EIF5B: variants seen among roughly 807,000 people sequenced by gnomAD.
The protein encoded by EIF5B is eIF-5B.
A neutral mutation model predicts 147.5 loss-of-function variants in EIF5B; 47 were observed. The ratio of observed to expected loss-of-function variants is 0.32; its 90% CI spans 0.25 to 0.41. EIF5B has a LOEUF of 0.41. Ranked by LOEUF, EIF5B falls within the 10% of genes least tolerant of loss-of-function variation. The probability of loss-of-function intolerance (pLI) is 1.00; values close to 1 mark genes in which losing one functional copy is unlikely to be tolerated. For missense variants in EIF5B, 1,064 were observed against 1,413.2 expected, an observed-to-expected ratio of 0.75 and a Z score of 3.96; for synonymous variants, 455 against 456.2, an observed-to-expected ratio of 1.00 and a Z score of 0.03.
chr2:99,384,182 G>A (rs1263081842), intron 14 of EIF5B, among the ~76,000 whole-genome samples: 1 of 120,370 alleles, frequency 8.3e-6, no homozygotes, highest in East Asian at 2.1e-4. Flanking sequence ...GGGTGACAGA[G>A]CGAGACTCCG....
In EIF5B at chr2:99,390,962, G is replaced by A. The variant is rs187027843; in HGVS notation, c.2748+257G>A. Among the ~76,000 whole-genome samples the A allele has an allele frequency of 1.5e-3, 231 of 152,194 alleles. 1 individual carries two copies. Among genetic ancestry groups the A allele is most frequent in the Non-Finnish European group, 1.3e-3 (86 of 68,012 alleles). On this transcript the variant is annotated intron_variant, in intron 17 of 23. Coordinates refer to ENST00000289371, the MANE Select transcript of EIF5B (RefSeq NM_015904.4). ...GTTATGGTTCTACACTGCTAAATACGGTTGACTCTTGAACAACATGAGGGC... is the reference window on the plus strand; with the variant it reads ...GTTATGGTTCTACACTGCTAAATACAGTTGACTCTTGAACAACATGAGGGC...
chr2:99,395,286 C>G (rs950863440), intron 21 of EIF5B, among the ~76,000 whole-genome samples: 3 of 152,240 alleles, frequency 2.0e-5, no homozygotes, highest in African/African-American at 7.2e-5. Flanking sequence ...ACAGTACCTA[C>G]ATTGCTGCAG....
intron 1 of EIF5B, 35 bp downstream of exon 1, chr2:99,337,624 C>T (rs1020001493): frequency 1.3e-6 from 2 of 1,595,328 alleles, no homozygotes; most frequent in African/African-American, 1.3e-5. Context: ...GCGGCGGCCG[C>T]CGTGGCTCAG....
intron 1 of EIF5B, among the ~76,000 whole-genome samples, chr2:99,342,734 C>G (rs2094262996): frequency 6.6e-6 from 1 of 152,044 alleles, no homozygotes; most frequent in Non-Finnish European, 1.5e-5. Context: ...TGGACTCAAG[C>G]AGTCCTCCCT....
chr2:99,367,957 A>G (rs543951876), intron 6 of EIF5B, among the ~76,000 whole-genome samples: 2 of 152,358 alleles, frequency 1.3e-5, no homozygotes, highest in South Asian at 4.1e-4. Flanking sequence ...GCAAAAAACC[A>G]GAAACAACTC....
At chr2:99,369,636 C>CT (rs1674401793) in intron 8 of EIF5B, among the ~76,000 whole-genome samples, 155 bp downstream of exon 8, 5 of 152,142 alleles carry the variant, frequency 3.3e-5, no homozygotes, top group Admixed American at 2.6e-4. Context: ...TTTTCTATTT[C>CT]TTTTCATTTC....
chr2:99,379,207 A>G (rs893390280), intron 11 of EIF5B, 81 bp downstream of exon 11: 13 of 1,405,190 alleles, frequency 9.3e-6, no homozygotes, highest in Non-Finnish European at 1.3e-5. Flanking sequence ...AGAGACCAAT[A>G]GGACATATAA....
intron 12 of EIF5B, among the ~76,000 whole-genome samples, chr2:99,381,392 G>A (rs1674684101): frequency 6.6e-6 from 1 of 152,162 alleles, no homozygotes. Context: ...GGTGCTCAGT[G>A]AACCAGAATG....
chr2:99,342,248 T>G (rs986506972), intron 1 of EIF5B, among the ~76,000 whole-genome samples: 1 of 152,134 alleles, frequency 6.6e-6, no homozygotes, highest in Non-Finnish European at 1.5e-5. Context: ...TTTTTTTAAA[T>G]GTAATACTTG....
At chr2:99,368,119 T>C (rs1254118774) in intron 6 of EIF5B, among the ~76,000 whole-genome samples, 1 of 152,202 alleles carries the variant, frequency 6.6e-6, no homozygotes, top group Non-Finnish European at 1.5e-5. Flanking sequence ...ACCGTAAGAT[T>C]CCATTTATGT....
rs372770046 is a variant in EIF5B, at chr2:99,364,275, G to T, written c.1142G>T (p.Arg381Leu). 1.9e-6 allele frequency: 3 copies of T among 1,587,892 alleles called. No homozygotes were observed. The highest frequency in any genetic ancestry group is 2.6e-6 in the Non-Finnish European group (3 of 1,170,326). The change falls in exon 6 of 24, where the codon CGA becomes CTA. Residue 381 changes from arginine to leucine, a missense_variant. Transcript: ENST00000289371. ...ELEAKRKEEERLEQEKRERKK... is the reference protein window; with the variant it reads ...ELEAKRKEEELLEQEKRERKK... The stretch of plus-strand genomic sequence containing the variant: ...CTGACATGTACTCTTTTATAGGAAC[G>T]ATTGGAACAAGAAAAAAGAGAAAGG...
chr2:99,353,068 G>GC (rs1456910713), intron 1 of EIF5B, among the ~76,000 whole-genome samples: 4 of 131,680 alleles, frequency 3.0e-5, no homozygotes, highest in African/African-American at 1.1e-4. Context: ...AGGCTGGAGT[G>GC]CAGTGGCATG....
At position 99,400,523 on chromosome 2, in the gene EIF5B, A is replaced by AT. The variant is rs1675225989; in HGVS notation, c.*1110dup. Reference sequence around the variant, plus strand: ...TTAAAGTTATGGCATAACATATAACATAAAAATATTTTATATACGTTTGAA... The same window carrying AT: ...TTAAAGTTATGGCATAACATATAACATTAAAAATATTTTATATACGTTTGAA... On this transcript the variant is annotated 3_prime_UTR_variant, in exon 24 of 24. Coordinates refer to ENST00000289371, the MANE Select transcript of EIF5B (RefSeq NM_015904.4). The AT allele has an allele frequency of 6.6e-6, 1 of 152,196 alleles. No homozygotes were observed. Among genetic ancestry groups the AT allele is most frequent in the South Asian group, 2.1e-4 (1 of 4,836 alleles). The allele number at this position is 152,196 out of a possible 1,614,324, so 9.4% of individuals were successfully genotyped here. A position where few individuals can be genotyped will look rare whatever the true frequency, so the allele number is the denominator to read the frequency against.
intron 1 of EIF5B, among the ~76,000 whole-genome samples, chr2:99,345,311 C>G (rs1006643024): frequency 6.6e-6 from 1 of 151,922 alleles, no homozygotes. Context: ...AACATGCGAC[C>G]GGGCATGGTG....
At chr2:99,374,510 A>T (rs1254479058) in intron 9 of EIF5B, among the ~76,000 whole-genome samples, 1 of 151,764 alleles carries the variant, frequency 6.6e-6, no homozygotes, top group Non-Finnish European at 1.5e-5. Flanking sequence ...TTTAGTATGG[A>T]TCAGTTAGTA....
intron 1 of EIF5B, among the ~76,000 whole-genome samples, chr2:99,359,040 A>G (rs1674150061): frequency 6.6e-6 from 1 of 152,220 alleles, no homozygotes; most frequent in Non-Finnish European, 1.5e-5. Flanking sequence ...TATTTATAAT[A>G]TGGTTGAAAG....
At chr2:99,346,589 C>CTTT (rs773411395) in intron 1 of EIF5B, among the ~76,000 whole-genome samples, 1,058 of 61,678 alleles carry the variant, frequency 0.017, 223 homozygotes, top group African/African-American at 0.039. Flanking sequence ...AGTTGTATCT[C>CTTT]TTTTTTTTTT....
intron 12 of EIF5B, among the ~76,000 whole-genome samples, chr2:99,381,625 C>T (rs1674691700): frequency 6.6e-6 from 1 of 150,524 alleles, no homozygotes; most frequent in South Asian, 2.1e-4. Context: ...AATGTTACTT[C>T]CATTCATTTA....
chr2:99,385,035 A>G (rs1052821892), intron 14 of EIF5B, among the ~76,000 whole-genome samples: 4 of 152,310 alleles, frequency 2.6e-5, no homozygotes, highest in Admixed American at 2.6e-4. Context: ...GCAGCATTAC[A>G]TGCTACAGAT....
Sources: allele counts gnomAD v4.1 joint callset (sites outside exome capture counted in the v4.1 genomes callset), GRCh38; gene constraint gnomAD v4.1.1; transcripts MANE v1.5; gene names NCBI Gene and HGNC (gene_info 2026-07-23, HGNC 2026-07-21).